Variants in SLC44A5 observed in about 807,000 individuals in gnomAD.
The protein encoded by SLC44A5 is choline transporter-like protein 5.
A neutral mutation model predicts 101.8 loss-of-function variants in SLC44A5; 57 were observed. The observed-to-expected ratio is 0.56, with a 90% CI of 0.45 to 0.70. SLC44A5 has a LOEUF of 0.70. Ranked by LOEUF, SLC44A5 falls within the 30% of genes least tolerant of loss-of-function variation. SLC44A5 has a pLI of 0.00. For synonymous variants in SLC44A5, 281 were observed against 290.9 expected (o/e 0.97, Z 0.35); for missense variants, 737 against 853.1 (o/e 0.86, Z 1.70).
chr1:75,535,072 T>A (rs1570551156), intron 2 of SLC44A5, among the ~76,000 whole-genome samples: 1 of 2,716 alleles, frequency 3.7e-4, no homozygotes, highest in Admixed American at 0.029. Flanking sequence ...TTGAAGCTGC[T>A]TTTTTTTTTT....
chr1:75,428,260 T>A (rs1219710622), intron 2 of SLC44A5, among the ~76,000 whole-genome samples: 1 of 152,232 alleles, frequency 6.6e-6, no homozygotes, highest in African/African-American at 2.4e-5. Context: ...GATATTTCAA[T>A]TAAATAATAT....
chr1:75,555,782 A>G (rs1672182223), intron 1 of SLC44A5, among the ~76,000 whole-genome samples: 2 of 152,160 alleles, frequency 1.3e-5, no homozygotes, highest in African/African-American at 4.8e-5. Context: ...GCTGTGGAAG[A>G]CAGATACTTC....
At chr1:75,409,968 A>G (rs994030539) in intron 2 of SLC44A5, among the ~76,000 whole-genome samples, 1 of 152,140 alleles carries the variant, frequency 6.6e-6, no homozygotes, top group African/African-American at 2.4e-5. Flanking sequence ...TACATTTTCC[A>G]GGATTCCTCA....
intron 2 of SLC44A5, among the ~76,000 whole-genome samples, chr1:75,477,285 A>G (rs1667480924): frequency 6.6e-6 from 1 of 152,204 alleles, no homozygotes; most frequent in Non-Finnish European, 1.5e-5. Flanking sequence ...AAAAGTAGAT[A>G]AAACCACAAA....
At chr1:75,525,890 G>A (rs1389026576) in intron 2 of SLC44A5, among the ~76,000 whole-genome samples, 8 of 152,212 alleles carry the variant, frequency 5.3e-5, no homozygotes, top group Admixed American at 2.6e-4. Context: ...ACCGCTGAAC[G>A]AAGGTAATGA....
chr1:75,714,801 G>C, the SLC44A5 span, among the ~76,000 whole-genome samples: 13 of 152,234 alleles, frequency 8.5e-5, no homozygotes, highest in East Asian at 2.5e-3. Context: ...AGCCTCCTGA[G>C]TAGCTGGGAT....
At chr1:75,391,882 A>C (rs1289713293) in intron 3 of SLC44A5, among the ~76,000 whole-genome samples, 1 of 152,172 alleles carries the variant, frequency 6.6e-6, no homozygotes, top group Non-Finnish European at 1.5e-5. Flanking sequence ...AGCCAGGCAC[A>C]GTGGCTCACA....
At chr1:75,563,663 T>C (rs1570622233) in intron 1 of SLC44A5, among the ~76,000 whole-genome samples, 1 of 152,244 alleles carries the variant, frequency 6.6e-6, no homozygotes. Context: ...ACAAGTCTCC[T>C]ATAAAAGACA....
At chr1:75,532,106 T>C (rs1465996219) in intron 2 of SLC44A5, among the ~76,000 whole-genome samples, 1 of 152,184 alleles carries the variant, frequency 6.6e-6, no homozygotes, top group East Asian at 1.9e-4. Flanking sequence ...TCTAGAAATC[T>C]GAGTTTTAAC....
chr1:75,447,030 G>A (rs1398962907), intron 2 of SLC44A5, among the ~76,000 whole-genome samples: 1 of 152,138 alleles, frequency 6.6e-6, no homozygotes, highest in African/African-American at 2.4e-5. Flanking sequence ...GCACAGGCCT[G>A]TGGAAGGTAC....
At chr1:75,237,576 T>C (rs1050784373) in intron 10 of SLC44A5, among the ~76,000 whole-genome samples, 14 of 152,092 alleles carry the variant, frequency 9.2e-5, no homozygotes, top group African/African-American at 3.4e-4. Context: ...TGTGCCCCAA[T>C]TGCAACACCT....
intron 4 of SLC44A5, among the ~76,000 whole-genome samples, chr1:75,331,574 CA>C (rs1657059346): frequency 6.6e-6 from 1 of 152,130 alleles, no homozygotes; most frequent in Non-Finnish European, 1.5e-5. Flanking sequence ...TGATTTTGGA[CA>C]CTTAAATTCT....
chr1:75,608,972 T>C (rs1405735306), intron 1 of SLC44A5, among the ~76,000 whole-genome samples: 1 of 151,992 alleles, frequency 6.6e-6, no homozygotes, highest in South Asian at 2.1e-4. Flanking sequence ...TTGTTTGTCT[T>C]CCCTATGTAT....
chr1:75,397,129 G>A (rs564820437), intron 2 of SLC44A5, among the ~76,000 whole-genome samples: 214 of 152,244 alleles, frequency 1.4e-3, no homozygotes, highest in Middle Eastern at 3.4e-3. Context: ...ATCACACTAC[G>A]TGTGGCCTTT....
At chr1:75,323,109 A>C (rs1656299981) in intron 4 of SLC44A5, among the ~76,000 whole-genome samples, 1 of 140,568 alleles carries the variant, frequency 7.1e-6, no homozygotes. Context: ...ACCCCACAAC[A>C]GTCCCCAGAG....
chr1:75,393,764 A>G (rs1661949186), intron 3 of SLC44A5, among the ~76,000 whole-genome samples: 1 of 152,176 alleles, frequency 6.6e-6, no homozygotes, highest in Non-Finnish European at 1.5e-5. Flanking sequence ...TTTTGTGGAG[A>G]ATAGACCAGA....
chr1:75,512,440 TA>T (rs1423209277), intron 2 of SLC44A5, among the ~76,000 whole-genome samples: 1 of 152,228 alleles, frequency 6.6e-6, no homozygotes, highest in Non-Finnish European at 1.5e-5. Context: ...GAGTTTTTTT[TA>T]GCATTTTCTG....
intron 2 of SLC44A5, among the ~76,000 whole-genome samples, chr1:75,495,792 T>A (rs1313308737): frequency 1.3e-5 from 2 of 152,112 alleles, no homozygotes; most frequent in Non-Finnish European, 2.9e-5. Flanking sequence ...CCACAAAAAA[T>A]TTAATTTTTA....
At chr1:75,704,984 A>G in the SLC44A5 span, among the ~76,000 whole-genome samples, 1 of 152,194 alleles carries the variant, frequency 6.6e-6, no homozygotes, top group Non-Finnish European at 1.5e-5. Context: ...TGTATCATGT[A>G]TCATGAATAA....
Sources: gnomAD v4.1 joint callset for allele counts (sites outside exome capture counted in the v4.1 genomes callset) on GRCh38, gnomAD v4.1.1 for gene constraint, MANE v1.5 for transcripts, NCBI Gene and HGNC (gene_info 2026-07-23, HGNC 2026-07-21) for gene names.